Variants in SOX6 observed in about 807,000 individuals in gnomAD.
The protein encoded by SOX6 is transcription factor SOX-6.
Under a neutral mutation model 97.8 loss-of-function variants are expected in SOX6, and 11 were observed. That is an observed-to-expected ratio of 0.11 (90% CI 0.07 to 0.19). The LOEUF (loss-of-function observed/expected upper bound fraction) is 0.19. Ranked by LOEUF, SOX6 falls within the 10% of genes least tolerant of loss-of-function variation. The pLI is 1.00. For synonymous variants in SOX6, 360 were observed against 371.4 expected (o/e 0.97, Z 0.35); for missense variants, 810 against 1,039.5 (o/e 0.78, Z 3.04).
At chr11:16,574,628 A>T (rs1847965806) in intron 4 of SOX6, among the ~76,000 whole-genome samples, 3 of 152,154 alleles carry the variant, frequency 2.0e-5, no homozygotes, top group South Asian at 4.1e-4. Flanking sequence ...AAATGAGAAC[A>T]TCTGTTCATC....
rs1861339840 is a variant in SOX6, at chr11:16,538,210, A to C, written n.610-61822T>G. Among the ~76,000 whole-genome samples, 3 of 152,344 alleles carry C rather than the reference A, an allele frequency of 2.0e-5. No homozygotes were observed. The South Asian group carries it at 6.2e-4, about 32-fold the overall frequency. On this transcript the variant is annotated intron_variant and non_coding_transcript_variant, in intron 4 of 5. Transcript: ENST00000524520. ...AAAAGAATTTTCCACCCAGAATTTCATATCCAGCCAAACTAAGCTTCAAAA... is the reference window on the plus strand; with the variant it reads ...AAAAGAATTTTCCACCCAGAATTTCCTATCCAGCCAAACTAAGCTTCAAAA...
At chr11:16,550,865 T>C (rs188901277) in intron 4 of SOX6, among the ~76,000 whole-genome samples, 168 of 152,152 alleles carry the variant, frequency 1.1e-3, no homozygotes, top group South Asian at 2.9e-3. Flanking sequence ...ACAGTGGAGC[T>C]GAAACAAAAA....
At chr11:16,560,601 G>A (rs61883865) in intron 4 of SOX6, among the ~76,000 whole-genome samples, 31,854 of 41,810 alleles carry the variant, frequency 0.76, 11,752 homozygotes, top group East Asian at 0.96. Flanking sequence ...ATACGTACAT[G>A]TATGTTTATA....
chr11:16,255,684 C>CA (rs778386870), intron 3 of SOX6, among the ~76,000 whole-genome samples: 3 of 151,608 alleles, frequency 2.0e-5, no homozygotes, highest in Non-Finnish European at 4.4e-5. Context: ...AAAAGAAGAG[C>CA]AAATTGAGTA....
rs528062065 is a variant in SOX6 at position 16,390,752 on chromosome 11, A to C, written c.-4-49500T>G. ...CTTTTACACTGTTGGTGGGAGTGTA[A>C]ATTAGTTCAACCATTGTGGAAGAAA... On this transcript the variant is annotated intron_variant, in intron 1 of 15. Coordinates refer to the SOX6 transcript ENST00000396356. Among the ~76,000 whole-genome samples, 258 of 152,226 alleles carry C rather than the reference A, an allele frequency of 1.7e-3. 4 individuals are homozygous for C. Among genetic ancestry groups the C allele is most frequent in the Admixed American group, 0.014 (211 of 15,300 alleles).
intron 3 of SOX6, among the ~76,000 whole-genome samples, chr11:16,644,180 C>A (rs910954668): frequency 6.6e-6 from 1 of 152,100 alleles, no homozygotes; most frequent in Non-Finnish European, 1.5e-5. Context: ...AGCTGGGACC[C>A]CCAGCATGTG....
At chr11:16,023,048 C>T (rs1420265635) in intron 12 of SOX6, 1 of 151,956 alleles carries the variant, frequency 6.6e-6, no homozygotes, top group African/African-American at 2.4e-5. Context: ...TGATGTCTTC[C>T]CTTCCAGATG....
chr11:16,284,905 T>C (rs1331511614), intron 3 of SOX6, among the ~76,000 whole-genome samples: 1 of 152,176 alleles, frequency 6.6e-6, no homozygotes, highest in Non-Finnish European at 1.5e-5. Flanking sequence ...ATGAAACACA[T>C]GTCCTAAGGT....
intron 15 of SOX6, among the ~76,000 whole-genome samples, chr11:15,982,193 T>C (rs1853676052): frequency 6.6e-6 from 1 of 152,170 alleles, no homozygotes; most frequent in Middle Eastern, 3.4e-3. Context: ...AAAAGGGACA[T>C]ATGTTTCACA....
intron 1 of SOX6, among the ~76,000 whole-genome samples, chr11:16,436,967 A>T (rs1283000607): frequency 6.6e-6 from 1 of 152,108 alleles, no homozygotes; most frequent in Non-Finnish European, 1.5e-5. Flanking sequence ...TTAAGAATGT[A>T]AGGGCCTGGC....
At chr11:16,124,078 A>G (rs1340762236) in intron 6 of SOX6, among the ~76,000 whole-genome samples, 2 of 152,052 alleles carry the variant, frequency 1.3e-5, no homozygotes, top group African/African-American at 4.8e-5. Flanking sequence ...GTTCAGCCCA[A>G]ATTAAACTCT....
intron 13 of SOX6, among the ~76,000 whole-genome samples, chr11:16,012,664 G>A (rs919314835): frequency 2.6e-5 from 4 of 151,978 alleles, no homozygotes; most frequent in African/African-American, 2.4e-5. Context: ...AAGGGACCAC[G>A]TGTTTCTGCA....
chr11:16,183,902 A>G lies in SOX6; in HGVS notation c.761T>C (p.Leu254Pro). The change falls in exon 6 of 16, where the codon CTG becomes CCG. Residue 254 changes from leucine (L) to proline (P), a missense_variant. This residue lies in a region of SOX6 where 3 missense variants were observed against 18.6 expected (regional missense o/e 0.16). Transcript: ENST00000683767. ...TACACTGACCTGGATCTGTTGCTGC[A>G]GGAGATTAATTTTGTGCTGCTGTTG... is the stretch of plus-strand genomic sequence containing the variant. Reference protein sequence around the residue: ...LLQQQHKINLLQQQIQVQGHM... With the variant: ...LLQQQHKINLPQQQIQVQGHM... 1 of 1,612,106 alleles carries G rather than the reference A, an allele frequency of 6.2e-7. No homozygotes were observed. The highest frequency in any genetic ancestry group is 8.5e-7 in the Non-Finnish European group (1 of 1,178,518).
intron 6 of SOX6, among the ~76,000 whole-genome samples, chr11:16,113,644 T>C (rs1053772278): frequency 6.6e-6 from 1 of 152,184 alleles, no homozygotes. Flanking sequence ...AGGAAATAAT[T>C]TCATTTGCCT....
chr11:16,134,394 TGAAAAC>T (rs1337115719), intron 6 of SOX6, among the ~76,000 whole-genome samples: 1,826 of 152,284 alleles, frequency 0.012, 35 homozygotes, highest in African/African-American at 0.042. Context: ...AGGAAAGCCT[TGAAAAC>T]TTCTTGAAGA....
intron 4 of SOX6, among the ~76,000 whole-genome samples, chr11:16,497,736 A>G (rs561696480): frequency 5.5e-5 from 6 of 109,466 alleles, no homozygotes; most frequent in African/African-American, 1.9e-4. Context: ...GATGAAATGA[A>G]TGAAATGAAG....
chr11:16,440,419 T>C (rs1286586444), intron 1 of SOX6, among the ~76,000 whole-genome samples: 3 of 152,182 alleles, frequency 2.0e-5, no homozygotes, highest in Non-Finnish European at 4.4e-5. Flanking sequence ...ATAAATAAGA[T>C]GGAAAGAAGC....
chr11:16,226,696 C>CAGTA (rs1240525925), intron 4 of SOX6, among the ~76,000 whole-genome samples: 2 of 151,234 alleles, frequency 1.3e-5, no homozygotes, highest in African/African-American at 4.9e-5. Flanking sequence ...TGGGCCCTAC[C>CAGTA]AGTAGTTCTG....
At chr11:16,440,167 C>T (rs959490439) in intron 1 of SOX6, among the ~76,000 whole-genome samples, 3 of 152,162 alleles carry the variant, frequency 2.0e-5, no homozygotes, top group Non-Finnish European at 2.9e-5. Context: ...TCAAATTAAA[C>T]GCACTGCTGG....
Sources: allele counts gnomAD v4.1 joint callset (sites outside exome capture counted in the v4.1 genomes callset), GRCh38; gene constraint gnomAD v4.1.1; regional missense constraint gnomAD v4.1.1; transcripts MANE v1.5; gene names NCBI Gene and HGNC (gene_info 2026-07-23, HGNC 2026-07-21).